Variants in ZC3H13 observed in about 807,000 individuals in gnomAD.
The protein encoded by ZC3H13 is zinc finger CCCH-type containing 13, also known as zinc finger CCCH domain-containing protein 13.
A neutral mutation model predicts 204.1 loss-of-function variants in ZC3H13; 64 were observed. The ratio of observed to expected loss-of-function variants is 0.31; its 90% CI spans 0.26 to 0.39. ZC3H13 has a LOEUF of 0.39. ZC3H13 is among the 10% of genes least tolerant of loss of function. The pLI is 1.00. For synonymous variants in ZC3H13, 667 were observed against 693.7 expected (o/e 0.96, Z 0.60); for missense variants, 1,833 against 2,082.7 (o/e 0.88, Z 2.33).
chr13:46,035,355 G>T (rs2043148501), intron 4 of ZC3H13, among the ~76,000 whole-genome samples: 1 of 152,204 alleles, frequency 6.6e-6, no homozygotes, highest in African/African-American at 2.4e-5. Flanking sequence ...CAGAATTTGA[G>T]CACATAATAA....
chr13:45,979,530 C>T (rs1356285266), intron 11 of ZC3H13, among the ~76,000 whole-genome samples: 1 of 152,054 alleles, frequency 6.6e-6, no homozygotes, highest in Non-Finnish European at 1.5e-5. Flanking sequence ...CATCTACATT[C>T]TTTAAAGGTT....
intron 4 of ZC3H13, among the ~76,000 whole-genome samples, chr13:46,032,242 T>TG (rs1189346356): frequency 1.8e-4 from 28 of 151,920 alleles, no homozygotes; most frequent in Middle Eastern, 6.8e-3. Flanking sequence ...CCTAAAACTG[T>TG]ATAAAACATA....
intron 8 of ZC3H13, among the ~76,000 whole-genome samples, chr13:46,000,011 AGT>A (rs768138984): frequency 6.6e-6 from 1 of 152,352 alleles, no homozygotes; most frequent in Non-Finnish European, 1.5e-5. Context: ...AGGTCTCAAT[AGT>A]GGGCTTAAAA....
rs560854884 is a variant in ZC3H13, at chr13:45,962,241, T to C, written c.4675+1601A>G. 5 of 985,318 alleles carry C rather than the reference T, an allele frequency of 5.1e-6. No homozygotes were observed. In the Admixed American group the frequency reaches 2.5e-4, roughly 48 times the overall value. The allele number at this position is 985,318 out of a possible 1,614,324, so 61.0% of individuals were successfully genotyped here. ...CATCAGTTCTCTAATACAACCACCA[T>C]AGCAGCAAAAATAGAAGAAGTCTGA... On this transcript the variant is annotated intron_variant, in intron 17 of 18. Transcript: ENST00000679008.
intron 5 of ZC3H13, 144 bp downstream of exon 5, chr13:46,020,305 T>C (rs2042147046): frequency 1.5e-6 from 1 of 688,534 alleles, no homozygotes; most frequent in Non-Finnish European, 2.4e-6. Flanking sequence ...GTTTTTGCCT[T>C]ATAATTCAGT....
chr13:46,019,122 C>T (rs1411704336), intron 5 of ZC3H13, among the ~76,000 whole-genome samples: 1 of 152,088 alleles, frequency 6.6e-6, no homozygotes, highest in Non-Finnish European at 1.5e-5. Flanking sequence ...AAAGATGGAA[C>T]AGGTTTCCTT....
chr13:46,033,381 T>G (rs1566334532), intron 4 of ZC3H13, among the ~76,000 whole-genome samples: 1 of 152,098 alleles, frequency 6.6e-6, no homozygotes, highest in Non-Finnish European at 1.5e-5. Context: ...AACCTTAAGT[T>G]GAGCTCAGTA....
chr13:45,959,854 T>A lies in ZC3H13; in HGVS notation c.4676-208A>T, dbSNP rs533870186. ...TCTCAAACAAGAATAAATATTCTGA[T>A]AGCCACTTTAAATTTACTTAAAATA... On this transcript the variant is annotated intron_variant, in intron 17 of 18. Transcript: ENST00000679008. 2.0e-5 allele frequency among the ~76,000 whole-genome samples: 3 copies of A among 152,336 alleles called. No individual in the cohort carries two copies. The East Asian group carries it at 5.8e-4, about 29-fold the overall frequency.
Position 46,052,547 on chromosome 13 carries a change from G to A in ZC3H13, c.-153C>T, listed in dbSNP as rs555198152. On this transcript the variant is annotated 5_prime_UTR_variant, in exon 1 of 19. Transcript: ENST00000679008. The stretch of plus-strand genomic sequence containing the variant: ...GAAAGCGATGCGCGCGCGGCTCCCG[G>A]GAACCGGCTCTTGGCTAGCGAGGAG... The A allele has an allele frequency of 4.1e-4, 165 of 398,632 alleles. No individual in the cohort carries two copies. The highest frequency in any genetic ancestry group is 6.9e-4 in the Non-Finnish European group (155 of 226,200). The allele number at this position is 398,632 out of a possible 1,614,324, so 24.7% of individuals were successfully genotyped here.
chr13:46,033,422 T>A (rs1464052297), intron 4 of ZC3H13, among the ~76,000 whole-genome samples: 4 of 152,130 alleles, frequency 2.6e-5, no homozygotes, highest in Non-Finnish European at 5.9e-5. Context: ...TAGTTGCTAT[T>A]CTGAAACTAT....
intron 12 of ZC3H13, among the ~76,000 whole-genome samples, chr13:45,974,273 C>T (rs1001530853): frequency 2.6e-5 from 4 of 152,150 alleles, no homozygotes; most frequent in African/African-American, 4.8e-5. Flanking sequence ...ACTGTCTCCT[C>T]ACCAACTAAT....
At position 46,052,446 on chromosome 13, in the gene ZC3H13, A is replaced by ACCG. The variant is rs772562104; in HGVS notation, c.-55_-53dup. ...TTCGCAAGTGCAGTCCGGAGGCACC[A>ACCG]CCGCCGCCGCCGCTCCGAGGAGCGG... On this transcript the variant is annotated 5_prime_UTR_variant, in exon 1 of 19. Transcript: ENST00000679008. The ACCG allele has an allele frequency of 3.6e-4, 144 of 397,926 alleles. No homozygotes were observed. The South Asian group carries it at 7.2e-3, about 20-fold the overall frequency. The allele number at this position is 397,926 out of a possible 1,614,324, so 24.6% of individuals were successfully genotyped here. A position where few individuals can be genotyped will look rare whatever the true frequency, so the allele number is the denominator to read the frequency against.
intron 5 of ZC3H13, among the ~76,000 whole-genome samples, chr13:46,015,144 T>A (rs891410104): frequency 6.6e-6 from 1 of 152,138 alleles, no homozygotes; most frequent in African/African-American, 2.4e-5. Context: ...CAAAACTCCT[T>A]TACCAATGTA....
intron 1 of ZC3H13, among the ~76,000 whole-genome samples, chr13:46,051,168 A>G (rs570993291): frequency 6.6e-6 from 1 of 152,372 alleles, no homozygotes; most frequent in South Asian, 2.1e-4. Flanking sequence ...GATACCATCC[A>G]CTTGCTGGAT....
intron 4 of ZC3H13, among the ~76,000 whole-genome samples, chr13:46,025,348 CCAGG>C (rs1566313434): frequency 6.6e-6 from 1 of 152,168 alleles, no homozygotes; most frequent in African/African-American, 2.4e-5. Flanking sequence ...GTTCTATGAT[CCAGG>C]CTGAAGAGCA....
chr13:45,986,296 C>T (rs931402037), intron 9 of ZC3H13, among the ~76,000 whole-genome samples: 4 of 152,130 alleles, frequency 2.6e-5, no homozygotes, highest in Non-Finnish European at 5.9e-5. Flanking sequence ...GCTTTCTCTA[C>T]TTAGAGCATT....
chr13:46,044,631 AG>A (rs1382156497), intron 3 of ZC3H13, among the ~76,000 whole-genome samples: 1 of 152,182 alleles, frequency 6.6e-6, no homozygotes, highest in African/African-American at 2.4e-5. Context: ...CTCACTAAAA[AG>A]AAATTCAGAC....
chr13:45,962,274 G>A, intron 17 of ZC3H13: 1 of 985,292 alleles, frequency 1.0e-6, no homozygotes, highest in Non-Finnish European at 1.2e-6. Flanking sequence ...TGATTGTTAA[G>A]CCACATCACC....
At chr13:46,023,292 T>C (rs1378345199) in intron 4 of ZC3H13, among the ~76,000 whole-genome samples, 2 of 152,172 alleles carry the variant, frequency 1.3e-5, no homozygotes, top group Non-Finnish European at 2.9e-5. Flanking sequence ...TTTCTTCCCA[T>C]TTCCAGACAG....
Sources: allele counts gnomAD v4.1 joint callset (sites outside exome capture counted in the v4.1 genomes callset), GRCh38; gene constraint gnomAD v4.1.1; transcripts MANE v1.5; gene names NCBI Gene and HGNC (gene_info 2026-07-23, HGNC 2026-07-21).